ARHGEF39: variants seen among roughly 807,000 people sequenced by gnomAD.
ARHGEF39 encodes the protein Rho guanine nucleotide exchange factor (GEF) 39.
In ARHGEF39, 45 loss-of-function variants were observed where a neutral mutation model predicts 47.5. The ratio of observed to expected loss-of-function variants is 0.95; its 90% CI spans 0.75 to 1.22. The LOEUF is 1.22. Ranked by LOEUF, ARHGEF39 falls within the 50% of genes most tolerant of loss-of-function variation. The pLI, the probability that ARHGEF39 is intolerant of heterozygous loss-of-function variation, is 0.00. For missense variants in ARHGEF39, 411 were observed against 425.3 expected (o/e 0.97, Z 0.30); for synonymous variants, 164 against 167.8 (o/e 0.98, Z 0.17).
Position 35,664,358 on chromosome 9 carries a change from C to T in ARHGEF39, c.354+14G>A. 1.3e-6 allele frequency: 2 copies of T among 1,591,876 alleles called. No individual in the cohort carries two copies. Among genetic ancestry groups the T allele is most frequent in the Non-Finnish European group, 1.7e-6 (2 of 1,170,810 alleles). ...AAAGGTAAGGGGCAAGATTTGAGGT[C>T]ATCTCCAGGTTACCTGCAGGGTGGT... On this transcript the variant is annotated intron_variant, in intron 3 of 8. Transcript: ENST00000378387.
intron 4 of ARHGEF39, 43 bp downstream of exon 4, chr9:35,663,965 C>A: frequency 6.3e-7 from 1 of 1,585,946 alleles, no homozygotes; most frequent in Non-Finnish European, 8.7e-7. Flanking sequence ...AGCAGTCATA[C>A]AAACTAAAAG....
At chr9:35,662,906 A>C (rs1322960105) in intron 6 of ARHGEF39, 40 bp downstream of exon 6, 1 of 1,599,596 alleles carries the variant, frequency 6.3e-7, no homozygotes, top group Admixed American at 1.7e-5. Flanking sequence ...AAAATAAAAG[A>C]TGGGGCAGTT....
Position 35,661,431 on chromosome 9 carries a change from G to T in ARHGEF39, c.*556C>A. 1 of 452,152 alleles carries T rather than the reference G, an allele frequency of 2.2e-6. No individual in the cohort carries two copies. The highest frequency in any genetic ancestry group is 2.0e-5 in the African/African-American group (1 of 49,350). 28.0% of individuals were successfully genotyped at this position (452,152 alleles called of 1,614,324 possible). On this transcript the variant is annotated 3_prime_UTR_variant, in exon 9 of 9. Transcript: ENST00000378387. ...CTCATAGCAAAACTGAGACAGAAGGGTCTTTCCCAAAAAAAAGAAAAAAAA... is the reference window on the plus strand; with the variant it reads ...CTCATAGCAAAACTGAGACAGAAGGTTCTTTCCCAAAAAAAAGAAAAAAAA...
At position 35,661,067 on chromosome 9, in the gene ARHGEF39, G is replaced by A. The variant is rs766678660; in HGVS notation, c.*920C>T. The A allele has an allele frequency of 9.3e-6, 15 of 1,614,074 alleles. No individual in the cohort carries two copies. In the South Asian group the frequency reaches 1.6e-4, roughly 18 times the overall value. ...CATGGAACCTAGCTACTTCCTGGGAGGTGGGGCGGGGACTACGGAGAAGGT... is the reference window on the plus strand; with the variant it reads ...CATGGAACCTAGCTACTTCCTGGGAAGTGGGGCGGGGACTACGGAGAAGGT... On this transcript the variant is annotated 3_prime_UTR_variant, in exon 9 of 9. Coordinates refer to ENST00000378387, the MANE Select transcript of ARHGEF39 (RefSeq NM_032818.3).
At chr9:35,664,878 A>T in intron 1 of ARHGEF39, 28 bp from the exon 2 acceptor site, 1 of 1,599,080 alleles carries the variant, frequency 6.3e-7, no homozygotes, top group Non-Finnish European at 8.5e-7. Context: ...ATTGGTTCTT[A>T]GCCTAGAGGA....
At chr9:35,662,324 GC>G in intron 7 of ARHGEF39, 57 bp from the exon 8 acceptor site, 2 of 1,546,490 alleles carry the variant, frequency 1.3e-6, no homozygotes, top group Non-Finnish European at 1.8e-6. Context: ...TAAAGCTGAA[GC>G]CCTTGCTGTT....
At chr9:35,664,593 A>G (rs1824137215) in intron 2 of ARHGEF39, 101 bp from the exon 3 acceptor site, 1 of 1,495,982 alleles carries the variant, frequency 6.7e-7, no homozygotes, top group African/African-American at 1.4e-5. Flanking sequence ...CTATTACCCC[A>G]TTGTACAGAT....
chr9:35,662,742 C>G lies in ARHGEF39; in HGVS notation c.674-1G>C. 6.4e-7 allele frequency: 1 copy of G among 1,556,166 alleles called. No individual in the cohort carries two copies. Among genetic ancestry groups the G allele is most frequent in the Middle Eastern group, 1.8e-4 (1 of 5,698 alleles). On this transcript the variant is annotated splice_acceptor_variant, in intron 6 of 8. Transcript: ENST00000378387. LOFTEE classifies it high-confidence loss of function. ...CAGCCCTGGCGTAGGAACCAGCGCC[C>G]TGGGGGATGGGAGCGCTGTTATTCT... is the stretch of plus-strand genomic sequence containing the variant.
Position 35,664,829 on chromosome 9 carries a change from C to G in ARHGEF39, c.160G>C (p.Ala54Pro). Residue 54 changes from alanine to proline, a missense_variant, in exon 2 of 9, where the codon GCC (alanine) becomes CCC (proline). By Grantham distance (27) the Ala-to-Pro change is conservative. Transcript: ENST00000378387. Reference protein sequence around the residue: ...VATYFLGILKAKGTLRPPERQ... With the variant: ...VATYFLGILKPKGTLRPPERQ... Reference sequence around the variant, plus strand: ...TCAGGTGGTCGCAGGGTCCCCTTGGCTTTCAGGATCCCCAAAAAGTACTGC... The same window carrying G: ...TCAGGTGGTCGCAGGGTCCCCTTGGGTTTCAGGATCCCCAAAAAGTACTGC... 6.2e-7 allele frequency: 1 copy of G among 1,610,524 alleles called. No homozygotes were observed. The highest frequency in any genetic ancestry group is 8.5e-7 in the Non-Finnish European group (1 of 1,179,996).
Position 35,663,076 on chromosome 9 carries a change from T to A in ARHGEF39, c.545-2A>T. 6.2e-7 allele frequency: 1 copy of A among 1,613,232 alleles called. No homozygotes were observed. The highest frequency in any genetic ancestry group is 8.5e-7 in the Non-Finnish European group (1 of 1,179,418). Reference sequence around the variant, plus strand: ...TCTCACTTATCAGTCGGGCAGCCCCTGGAATAACATCTCCCACCTTACTCC... The same window carrying A: ...TCTCACTTATCAGTCGGGCAGCCCCAGGAATAACATCTCCCACCTTACTCC... On this transcript the variant is annotated splice_acceptor_variant, in intron 5 of 8. Transcript: ENST00000378387. LOFTEE classifies it high-confidence loss of function.
rs1824077350 is a variant in ARHGEF39 at position 35,663,389 on chromosome 9, A to G, written c.477T>C (p.Tyr159=). Residue 159 remains tyrosine (Y), a synonymous_variant, in exon 5 of 9, where the codon TAT becomes TAC. Transcript: ENST00000378387. The stretch of plus-strand genomic sequence containing the variant: ...CAGCCAAAGCTACGACGAGATTCTC[A>G]TACCTGGAATTCAACAGTGGGAAGT... ...LPLPLQRLQQ[Y]ENLVVALAEN... The G allele has an allele frequency of 1.9e-6, 3 of 1,612,010 alleles. No individual in the cohort carries two copies. The highest frequency in any genetic ancestry group is 1.3e-5 in the African/African-American group (1 of 74,866).
At chr9:35,662,422 C>T (rs558372945) in intron 7 of ARHGEF39, 90 bp downstream of exon 7, 9 of 1,442,832 alleles carry the variant, frequency 6.2e-6, no homozygotes, top group Non-Finnish European at 8.5e-6. Context: ...TGGCTCTGTT[C>T]CTATGAAAAG....
In ARHGEF39 at chr9:35,659,811, A is replaced by C. The variant is rs1823802710; in HGVS notation, c.*2176T>G. ...ATGGAAAGAAGATACATAAAGGACAAATTTTGGCTTTGTGCATGAACTGTC... is the reference window on the plus strand; with the variant it reads ...ATGGAAAGAAGATACATAAAGGACACATTTTGGCTTTGTGCATGAACTGTC... On this transcript the variant is annotated 3_prime_UTR_variant, in exon 9 of 9. Coordinates refer to ENST00000378387, the MANE Select transcript of ARHGEF39 (RefSeq NM_032818.3). The C allele has an allele frequency of 6.6e-6, 1 of 152,228 alleles. No individual in the cohort carries two copies. The highest frequency in any genetic ancestry group is 2.4e-5 in the African/African-American group (1 of 41,440). The allele number at this position is 152,228 out of a possible 1,614,324, so 9.4% of individuals were successfully genotyped here.
At chr9:35,662,150 C>T in intron 8 of ARHGEF39, 29 bp downstream of exon 8, 2 of 1,609,744 alleles carry the variant, frequency 1.2e-6, no homozygotes, top group Non-Finnish European at 1.7e-6. Flanking sequence ...CTCATCACAG[C>T]ACCCTTCCTG....
intron 6 of ARHGEF39, 70 bp downstream of exon 6, chr9:35,662,876 T>C: frequency 6.3e-7 from 1 of 1,587,150 alleles, no homozygotes; most frequent in African/African-American, 1.3e-5. Context: ...GAGCAGCTGG[T>C]CGGCATTTGG....
chr9:35,662,391 G>C, intron 7 of ARHGEF39, 121 bp downstream of exon 7: 1 of 1,377,784 alleles, frequency 7.3e-7, no homozygotes, highest in Non-Finnish European at 1.0e-6. Context: ...CCGAGCCCCA[G>C]CTATCCTCTC....
In ARHGEF39 at chr9:35,661,283, A is replaced by T; in HGVS notation, c.*704T>A. On this transcript the variant is annotated 3_prime_UTR_variant, in exon 9 of 9. Transcript: ENST00000378387. The stretch of plus-strand genomic sequence containing the variant: ...TGGGCCTTCTTGAAGAGCTGTCCTT[A>T]TTAGGACAAAAAGAGGCTGCCTTCC... The T allele has an allele frequency of 1.2e-6, 1 of 842,054 alleles. No homozygotes were observed. The highest frequency in any genetic ancestry group is 1.8e-6 in the Non-Finnish European group (1 of 542,276). The allele number at this position is 842,054 out of a possible 1,614,324, so 52.2% of individuals were successfully genotyped here. A position where few individuals can be genotyped will look rare whatever the true frequency, so the allele number is the denominator to read the frequency against.
At position 35,661,380 on chromosome 9, in the gene ARHGEF39, G is replaced by C; in HGVS notation, c.*607C>G. The C allele has an allele frequency of 2.1e-6, 1 of 480,350 alleles. No individual in the cohort carries two copies. Among genetic ancestry groups the C allele is most frequent in the Non-Finnish European group, 3.7e-6 (1 of 273,942 alleles). 29.8% of individuals were successfully genotyped at this position (480,350 alleles called of 1,614,324 possible). A position where few individuals can be genotyped will look rare whatever the true frequency, so the allele number is the denominator to read the frequency against. Reference sequence around the variant, plus strand: ...TATTCCTGAGGCCACCAGCATGCCCGCGTTCAGGGCCCAAAAATCCCTTTT... The same window carrying C: ...TATTCCTGAGGCCACCAGCATGCCCCCGTTCAGGGCCCAAAAATCCCTTTT... On this transcript the variant is annotated 3_prime_UTR_variant, in exon 9 of 9. Coordinates refer to ENST00000378387, the MANE Select transcript of ARHGEF39 (RefSeq NM_032818.3).
At chr9:35,662,138 G>A (rs374038098) in intron 8 of ARHGEF39, 41 bp downstream of exon 8, 190 of 1,603,900 alleles carry the variant, frequency 1.2e-4, no homozygotes, top group Non-Finnish European at 1.6e-4. Flanking sequence ...CTGCTTGTGG[G>A]CCTCATCACA....
Sources: gnomAD v4.1 joint callset for allele counts on GRCh38, gnomAD v4.1.1 for gene constraint, MANE v1.5 for transcripts, NCBI Gene and HGNC (gene_info 2026-07-23, HGNC 2026-07-21) for gene names.